Variants in ANXA9 observed in about 807,000 individuals in gnomAD.
ANXA9 encodes the protein annexin 31.
In ANXA9, 47 loss-of-function variants were observed where a neutral mutation model predicts 51.8. The observed-to-expected ratio is 0.91, with a 90% confidence interval of 0.72 to 1.16. The LOEUF (loss-of-function observed/expected upper bound fraction) is 1.16, where lower values mean the gene tolerates loss of function less well. Among genes scored for constraint, ANXA9 ranks in the 50% most tolerant of loss-of-function variants. ANXA9 has a pLI of 0.00. For synonymous variants in ANXA9, 154 were observed against 168.7 expected (o/e 0.91, Z 0.68); for missense variants, 361 against 424.7 (o/e 0.85, Z 1.32).
upstream of ANXA9, among the ~76,000 whole-genome samples, chr1:150,980,092 A>C (rs1475331039): frequency 1.3e-5 from 2 of 152,136 alleles, no homozygotes; most frequent in Non-Finnish European, 2.9e-5. Flanking sequence ...TTAAACTATA[A>C]TTTCAGATAA....
In ANXA9 at chr1:150,983,089, G is replaced by A. The variant is rs748021596; in HGVS notation, c.-16-1G>A. On this transcript the variant is annotated splice_acceptor_variant, in intron 2 of 13. Transcript: ENST00000368947. LOFTEE classifies it low-confidence loss of function (5UTR_SPLICE). The stretch of plus-strand genomic sequence containing the variant: ...CTGTGGGCTCCTGTTTCCTTCCCCA[G>A]GGCAACCAGTAGCACCATGTCTGTG... The A allele has an allele frequency of 6.2e-7, 1 of 1,612,658 alleles. No homozygotes were observed. The highest frequency in any genetic ancestry group is 1.1e-5 in the South Asian group (1 of 90,926).
At chr1:150,992,949 G>A (rs1247879257) in intron 12 of ANXA9, among the ~76,000 whole-genome samples, 2 of 152,136 alleles carry the variant, frequency 1.3e-5, no homozygotes, top group African/African-American at 4.8e-5. Flanking sequence ...AACTAATGAT[G>A]CATAAAAGTT....
intron 4 of ANXA9, 139 bp from the exon 5 acceptor site, chr1:150,983,836 T>G (rs1671481902): frequency 7.4e-6 from 6 of 811,108 alleles, no homozygotes; most frequent in South Asian, 1.7e-5. Flanking sequence ...TCTTTTGAGA[T>G]AAAATGGAAG....
At position 150,986,012 on chromosome 1, in the gene ANXA9, A is replaced by G. The variant is rs925439434; in HGVS notation, c.473-324A>G. Among the ~76,000 whole-genome samples, 13 of 151,962 alleles carry G rather than the reference A, an allele frequency of 8.6e-5. No individual in the cohort carries two copies. In the South Asian group the frequency reaches 2.5e-3, roughly 29 times the overall value. On this transcript the variant is annotated intron_variant, in intron 7 of 13. Transcript: ENST00000368947. ...TTTCCTTACCTCCAATGAGGGTGCC[A>G]GGTCCTAACCATCTTGTGTTATAAT...
rs758915308 is a variant in ANXA9 at position 150,994,527 on chromosome 1, C to G, written c.853-50C>G. Reference sequence around the variant, plus strand: ...CCCTCCAAGCCATTCAACCCCTACTCTCAGTGAGACTCTCACTAACTACCC... The same window carrying G: ...CCCTCCAAGCCATTCAACCCCTACTGTCAGTGAGACTCTCACTAACTACCC... On this transcript the variant is annotated intron_variant, in intron 12 of 13. Coordinates refer to ENST00000368947, the MANE Select transcript of ANXA9 (RefSeq NM_003568.3). The G allele has an allele frequency of 4.4e-6, 7 of 1,608,078 alleles. No homozygotes were observed. In the Admixed American group the frequency reaches 5.0e-5, roughly 12 times the overall value.
chr1:150,988,101 G>A lies in ANXA9; in HGVS notation c.708G>A (p.Gln236=), dbSNP rs143896675. 4.3e-5 allele frequency: 69 copies of A among 1,614,090 alleles called. No homozygotes were observed. In the African/African-American group the frequency reaches 8.5e-4, roughly 20 times the overall value. The change falls in exon 11 of 14, where the codon CAG becomes CAA. Residue 236 remains glutamine, a synonymous_variant. Transcript: ENST00000368947. Reference sequence around the variant, plus strand: ...TCCTACACACACAAGTGTTTGATCAGTACCAGCGGAGCACTGGGCAAGAGC... The same window carrying A: ...TCCTACACACACAAGTGTTTGATCAATACCAGCGGAGCACTGGGCAAGAGC... ...NPEHLIRVFD[Q]YQRSTGQELE...
chr1:150,984,576 T>A lies in ANXA9; in HGVS notation c.382-10T>A. The A allele has an allele frequency of 6.2e-7, 1 of 1,613,674 alleles. No individual in the cohort carries two copies. The highest frequency in any genetic ancestry group is 1.1e-5 in the South Asian group (1 of 91,012). The stretch of plus-strand genomic sequence containing the variant: ...GGCCAGTCTGAGAGTAGACTCCCAA[T>A]TTCTTGTAGGCCTCAGATTCTGCTG... On this transcript the variant is annotated splice_polypyrimidine_tract_variant and intron_variant, in intron 6 of 13. Coordinates refer to ENST00000368947, the MANE Select transcript of ANXA9 (RefSeq NM_003568.3).
upstream of ANXA9, chr1:150,981,915 C>CCA (rs1385200576): frequency 1.3e-5 from 2 of 152,306 alleles, no homozygotes; most frequent in African/African-American, 4.8e-5. Flanking sequence ...AGCCTGCAGC[C>CCA]TGTCTGACCT....
chr1:150,987,780 G>T, intron 9 of ANXA9, 92 bp from the exon 10 acceptor site: 1 of 965,342 alleles, frequency 1.0e-6, no homozygotes, highest in South Asian at 1.5e-5. Context: ...CCATCATGAT[G>T]ATGATAGATT....
chr1:150,994,732 C>T, intron 13 of ANXA9, 33 bp downstream of exon 13: 1 of 1,611,156 alleles, frequency 6.2e-7, no homozygotes, highest in Non-Finnish European at 8.5e-7. Flanking sequence ...CCTGGAGCCT[C>T]AGGCCTTCAC....
At chr1:150,977,707 A>G (rs898518077), upstream of ANXA9, among the ~76,000 whole-genome samples, 1 of 152,270 alleles carries the variant, frequency 6.6e-6, no homozygotes, top group African/African-American at 2.4e-5. Flanking sequence ...GGTAAGAAGC[A>G]GAGCCTAGCT....
chr1:150,989,351 T>G (rs11204755), intron 12 of ANXA9, among the ~76,000 whole-genome samples: 11,799 of 152,018 alleles, frequency 0.078, 561 homozygotes, highest in African/African-American at 0.13. Flanking sequence ...ATTCTGTTGA[T>G]TGAATTAGGT....
chr1:150,978,018 T>C (rs1320255255), upstream of ANXA9, among the ~76,000 whole-genome samples: 1 of 151,864 alleles, frequency 6.6e-6, no homozygotes, highest in Non-Finnish European at 1.5e-5. Context: ...TGCCTGTAGT[T>C]CCAGCTACTT....
intron 12 of ANXA9, among the ~76,000 whole-genome samples, chr1:150,992,951 A>C (rs587623936): frequency 2.8e-4 from 43 of 152,374 alleles, no homozygotes; most frequent in South Asian, 2.5e-3. Context: ...CTAATGATGC[A>C]TAAAAGTTAA....
In ANXA9 at chr1:150,995,549, G is replaced by T. The variant is rs932329163; in HGVS notation, c.*227G>T. ...AGCTCCTTCTTGGGTGTGGGGAAAT[G>T]AGTTTTCTTTGATAGTTTCTGCCTC... On this transcript the variant is annotated 3_prime_UTR_variant, in exon 14 of 14. Coordinates refer to ENST00000368947, the MANE Select transcript of ANXA9 (RefSeq NM_003568.3). The T allele has an allele frequency of 6.4e-6, 3 of 467,714 alleles. No homozygotes were observed. The highest frequency in any genetic ancestry group is 1.1e-5 in the Non-Finnish European group (3 of 265,970). 29.0% of individuals were successfully genotyped at this position (467,714 alleles called of 1,614,324 possible). A position where few individuals can be genotyped will look rare whatever the true frequency, so the allele number is the denominator to read the frequency against.
intron 12 of ANXA9, among the ~76,000 whole-genome samples, chr1:150,989,647 C>T (rs4590677): frequency 0.6 from 90,447 of 151,866 alleles, 27,862 homozygotes; most frequent in East Asian, 0.85. Flanking sequence ...ACCAAGATCA[C>T]GCCACTGCAC....
At chr1:150,991,015 C>T (rs1470862970) in intron 12 of ANXA9, among the ~76,000 whole-genome samples, 3 of 151,164 alleles carry the variant, frequency 2.0e-5, no homozygotes, top group African/African-American at 4.9e-5. Flanking sequence ...TGGTAGCGGG[C>T]GCCTGTAGTC....
At position 150,988,268 on chromosome 1, in the gene ANXA9, C is replaced by T; in HGVS notation, c.794-15C>T. 1 of 1,614,164 alleles carries T rather than the reference C, an allele frequency of 6.2e-7. No homozygotes were observed. Among genetic ancestry groups the T allele is most frequent in the Non-Finnish European group, 8.5e-7 (1 of 1,180,028 alleles). On this transcript the variant is annotated splice_polypyrimidine_tract_variant and intron_variant, in intron 11 of 13. Coordinates refer to ENST00000368947, the MANE Select transcript of ANXA9 (RefSeq NM_003568.3). ...TCCTAGTTGTGAACCTCCATCCTTCCATCTTTGTTTCCAGCTTCGGTGATC... is the reference window on the plus strand; with the variant it reads ...TCCTAGTTGTGAACCTCCATCCTTCTATCTTTGTTTCCAGCTTCGGTGATC...
intron 7 of ANXA9, among the ~76,000 whole-genome samples, chr1:150,985,281 A>G (rs1161015409): frequency 1.3e-5 from 2 of 152,072 alleles, no homozygotes; most frequent in African/African-American, 2.4e-5. Context: ...CAGATTCCAA[A>G]GTGACAGTCC....
Sources: allele counts gnomAD v4.1 joint callset (sites outside exome capture counted in the v4.1 genomes callset), GRCh38; gene constraint gnomAD v4.1.1; transcripts MANE v1.5; gene names NCBI Gene and HGNC (gene_info 2026-07-23, HGNC 2026-07-21).